The following GREB1L variants were observed in gnomAD, a reference collection of about 807,000 sequenced individuals.
GREB1L encodes the protein GREB1-like protein.
Under a neutral mutation model 200.8 loss-of-function variants are expected in GREB1L, and 17 were observed. The observed-to-expected ratio is 0.08, with a 90% CI of 0.06 to 0.13. The LOEUF (loss-of-function observed/expected upper bound fraction) is 0.13, where lower values mean the gene tolerates loss of function less well. Ranked by LOEUF, GREB1L falls within the 10% of genes least tolerant of loss-of-function variation. The probability of loss-of-function intolerance (pLI) is 1.00; values close to 1 mark genes in which losing one functional copy is unlikely to be tolerated. For missense variants in GREB1L, 1,657 were observed against 2,367.7 expected, an observed-to-expected ratio of 0.70 and a Z score of 6.23; for synonymous variants, 789 against 893.0, an observed-to-expected ratio of 0.88 and a Z score of 2.08.
chr18:21,252,986 T>A (rs148647179), intron 1 of GREB1L, among the ~76,000 whole-genome samples: 70 of 152,326 alleles, frequency 4.6e-4, no homozygotes, highest in African/African-American at 1.6e-3. Context: ...TAAGCCAAAT[T>A]ATGAGAACAG....
chr18:21,366,589 T>C (rs1002919443), intron 2 of GREB1L, among the ~76,000 whole-genome samples: 4 of 151,714 alleles, frequency 2.6e-5, no homozygotes, highest in Middle Eastern at 3.4e-3. Context: ...AGGAGGCTTT[T>C]AATTTAGAAA....
At chr18:21,376,422 T>TA in intron 2 of GREB1L, among the ~76,000 whole-genome samples, 1 of 148,594 alleles carries the variant, frequency 6.7e-6, no homozygotes, top group African/African-American at 2.5e-5. Flanking sequence ...TGGCCTATTT[T>TA]TAAGAAAAAA....
intron 2 of GREB1L, among the ~76,000 whole-genome samples, chr18:21,369,864 G>A (rs973729383): frequency 3.3e-5 from 5 of 150,488 alleles, no homozygotes; most frequent in African/African-American, 7.3e-5. Flanking sequence ...CAGGAGAATC[G>A]CTTGAACCCA....
intron 15 of GREB1L, among the ~76,000 whole-genome samples, chr18:21,456,060 C>T (rs1319551844): frequency 2.6e-5 from 4 of 151,998 alleles, no homozygotes; most frequent in Admixed American, 6.6e-5. Context: ...TGTGCACCAC[C>T]ACTCCCAGCC....
At chr18:21,421,678 T>C (rs1270249054) in intron 7 of GREB1L, among the ~76,000 whole-genome samples, 1 of 152,232 alleles carries the variant, frequency 6.6e-6, no homozygotes, top group Non-Finnish European at 1.5e-5. Flanking sequence ...GTGCTAAACA[T>C]GTTCATTGCT....
intron 30 of GREB1L, 117 bp from the exon 31 acceptor site, chr18:21,517,916 AC>A: frequency 1.4e-6 from 1 of 734,030 alleles, no homozygotes; most frequent in Non-Finnish European, 2.3e-6. Context: ...TGAACCTAGC[AC>A]CCCTCACTGT....
chr18:21,409,069 A>G (rs1598779315), intron 7 of GREB1L, among the ~76,000 whole-genome samples: 1 of 152,360 alleles, frequency 6.6e-6, no homozygotes. Flanking sequence ...AAAAACTTGC[A>G]TGCAGATGTT....
chr18:21,300,752 CT>C (rs779063101), intron 1 of GREB1L, among the ~76,000 whole-genome samples: 29 of 152,150 alleles, frequency 1.9e-4, no homozygotes, highest in Non-Finnish European at 4.0e-4. Flanking sequence ...TTTTCATCAT[CT>C]TTTCTTGAAA....
chr18:21,312,545 T>G (rs1395765804), intron 1 of GREB1L, among the ~76,000 whole-genome samples: 19 of 151,276 alleles, frequency 1.3e-4, no homozygotes, highest in Non-Finnish European at 2.9e-5. Flanking sequence ...TTTATTTATT[T>G]ATTTATTTAT....
intron 15 of GREB1L, among the ~76,000 whole-genome samples, chr18:21,466,127 C>T (rs2035253953): frequency 6.6e-6 from 1 of 152,104 alleles, no homozygotes; most frequent in Non-Finnish European, 1.5e-5. Flanking sequence ...AGCTGTAATT[C>T]ATTCATTTTA....
At chr18:21,403,296 T>C (rs1215734876) in intron 6 of GREB1L, among the ~76,000 whole-genome samples, 2 of 152,204 alleles carry the variant, frequency 1.3e-5, no homozygotes, top group African/African-American at 4.8e-5. Context: ...AAGCTTGGCA[T>C]ATCATGATCC....
chr18:21,405,418 A>C (rs1398065393), intron 7 of GREB1L, among the ~76,000 whole-genome samples: 1 of 152,268 alleles, frequency 6.6e-6, no homozygotes, highest in Non-Finnish European at 1.5e-5. Context: ...TTACAACAAA[A>C]ACGTATCAAG....
intron 15 of GREB1L, among the ~76,000 whole-genome samples, chr18:21,470,884 T>C (rs1429779919): frequency 1.3e-5 from 2 of 152,092 alleles, no homozygotes; most frequent in Non-Finnish European, 2.9e-5. Context: ...TCACTTTCAT[T>C]ATGAGGAAAA....
intron 1 of GREB1L, among the ~76,000 whole-genome samples, chr18:21,268,370 T>C (rs2038006026): frequency 6.6e-6 from 1 of 151,302 alleles, no homozygotes; most frequent in Non-Finnish European, 1.5e-5. Context: ...GAATTACCAA[T>C]TACAGTACAC....
intron 7 of GREB1L, among the ~76,000 whole-genome samples, chr18:21,430,650 G>A (rs577793759): frequency 2.1e-5 from 3 of 141,596 alleles, no homozygotes; most frequent in Non-Finnish European, 4.5e-5. Flanking sequence ...AGGCTGGAGT[G>A]CAATGGTGCA....
chr18:21,426,276 C>G (rs2032566622), intron 7 of GREB1L, among the ~76,000 whole-genome samples: 1 of 151,996 alleles, frequency 6.6e-6, no homozygotes, highest in African/African-American at 2.4e-5. Context: ...CCAGGCTGGT[C>G]TCGAACTCCT....
rs2035424237 is a variant in GREB1L, at chr18:21,470,149, A to G, written c.2183-2882A>G. On this transcript the variant is annotated intron_variant, in intron 15 of 32. Coordinates refer to ENST00000424526, the MANE Select transcript of GREB1L (RefSeq NM_001142966.3). ...AAAAAAAAAAAAATCTTAGCCAGGC[A>G]TGCTAGCACATGCCTGCAGGCCCAG... Among the ~76,000 whole-genome samples the G allele has an allele frequency of 5.3e-5, 8 of 151,918 alleles. No homozygotes were observed. In the South Asian group the frequency reaches 1.0e-3, roughly 20 times the overall value.
intron 1 of GREB1L, among the ~76,000 whole-genome samples, chr18:21,320,697 C>T (rs1193480582): frequency 2.7e-5 from 4 of 150,834 alleles, no homozygotes; most frequent in Non-Finnish European, 4.4e-5. Context: ...ACCCGGGAGG[C>T]GGAGCTTGCA....
intron 15 of GREB1L, among the ~76,000 whole-genome samples, chr18:21,461,416 A>T (rs2035042246): frequency 1.3e-5 from 2 of 151,800 alleles, no homozygotes; most frequent in African/African-American, 4.8e-5. Flanking sequence ...CCCTCCTCCT[A>T]CCAACTGCCA....
Sources: gnomAD v4.1 joint callset for allele counts (sites outside exome capture counted in the v4.1 genomes callset) on GRCh38, gnomAD v4.1.1 for gene constraint, MANE v1.5 for transcripts, NCBI Gene and HGNC (gene_info 2026-07-23, HGNC 2026-07-21) for gene names.